ITPR2: variants seen among roughly 807,000 people sequenced by gnomAD.
ITPR2 encodes the protein inositol 1,4,5-trisphosphate receptor type 2.
In ITPR2, 207 loss-of-function variants were observed where a neutral mutation model predicts 317.1. The observed-to-expected ratio is 0.65, with a 90% CI of 0.58 to 0.73. The LOEUF is 0.73. Among genes scored for constraint, ITPR2 ranks in the 30% least tolerant of loss-of-function variants. The pLI is 0.00. For missense variants in ITPR2, 2,613 were observed against 3,284.0 expected (o/e 0.80, Z 4.99); for synonymous variants, 1,156 against 1,149.1 (o/e 1.01, Z -0.12).
At chr12:26,726,012 A>G (rs146310627) in intron 2 of ITPR2, 12 of 345,020 alleles carry the variant, frequency 3.5e-5, no homozygotes, top group African/African-American at 2.5e-4. Flanking sequence ...TAGCCAGTGT[A>G]TAAAGAAATC....
At chr12:26,499,771 A>G (rs1175471538) in intron 37 of ITPR2, among the ~76,000 whole-genome samples, 1 of 152,200 alleles carries the variant, frequency 6.6e-6, no homozygotes, top group Non-Finnish European at 1.5e-5. Context: ...AAAATAATAA[A>G]TGATAAACTG....
At chr12:26,529,612 T>A (rs1943899789) in intron 37 of ITPR2, among the ~76,000 whole-genome samples, 1 of 152,218 alleles carries the variant, frequency 6.6e-6, no homozygotes, top group African/African-American at 2.4e-5. Context: ...CTGCCTGGGT[T>A]CTAATGCCAG....
At chr12:26,826,420 C>T (rs1951010569) in intron 1 of ITPR2, among the ~76,000 whole-genome samples, 2 of 152,162 alleles carry the variant, frequency 1.3e-5, no homozygotes, top group South Asian at 4.1e-4. Flanking sequence ...CAGTCTCATT[C>T]TTCTAAGGAA....
At chr12:26,430,290 G>A (rs916216506) in intron 48 of ITPR2, among the ~76,000 whole-genome samples, 9 of 152,318 alleles carry the variant, frequency 5.9e-5, no homozygotes, top group Admixed American at 2.6e-4. Flanking sequence ...TTTTCTTTGA[G>A]TCTTGCTCTG....
At chr12:26,584,872 TA>T (rs977914865) in intron 32 of ITPR2, among the ~76,000 whole-genome samples, 1 of 152,226 alleles carries the variant, frequency 6.6e-6, no homozygotes, top group Non-Finnish European at 1.5e-5. Flanking sequence ...ACATAAACAG[TA>T]AAAATGTTCC....
At chr12:26,411,135 G>A in intron 52 of ITPR2, 185 bp downstream of exon 52, 2 of 550,612 alleles carry the variant, frequency 3.6e-6, no homozygotes, top group African/African-American at 3.8e-5. Context: ...ACAGGAGAGG[G>A]GTACAAAATG....
chr12:26,696,055 G>GTTTTACATGT lies in ITPR2; in HGVS notation c.952-406_952-405insACATGTAAAA, dbSNP rs1948341318. Among the ~76,000 whole-genome samples, 13 of 152,302 alleles carry GTTTTACATGT rather than the reference G, an allele frequency of 8.5e-5. 1 individual carries two copies. The South Asian group carries it at 2.5e-3, about 29-fold the overall frequency. ...TTTGAGATCATGTTTTACATGTTAT[G>GTTTTACATGT]TACACAAGGAAAAGAAAAACAAAAC... On this transcript the variant is annotated intron_variant, in intron 9 of 56. Transcript: ENST00000381340.
chr12:26,386,047 T>C (rs992601976), intron 55 of ITPR2, among the ~76,000 whole-genome samples: 2 of 152,116 alleles, frequency 1.3e-5, no homozygotes, highest in Non-Finnish European at 2.9e-5. Context: ...AATAAATGTA[T>C]ATTGATGAAA....
intron 45 of ITPR2, among the ~76,000 whole-genome samples, chr12:26,462,728 A>G (rs1371764334): frequency 1.3e-5 from 2 of 149,062 alleles, no homozygotes; most frequent in Non-Finnish European, 1.5e-5. Flanking sequence ...CTGGAGTGCA[A>G]TGGCGCCATC....
intron 32 of ITPR2, among the ~76,000 whole-genome samples, chr12:26,584,043 T>C (rs1178253458): frequency 6.6e-6 from 1 of 152,234 alleles, no homozygotes; most frequent in African/African-American, 2.4e-5. Flanking sequence ...ACAACGTCCC[T>C]ACTCTATTAG....
chr12:26,398,834 C>T, intron 54 of ITPR2, 42 bp downstream of exon 54: 5 of 1,521,162 alleles, frequency 3.3e-6, no homozygotes, highest in Non-Finnish European at 4.4e-6. Context: ...TTCCTGCAAA[C>T]AGTCTATTCA....
At chr12:26,688,150 C>T (rs917242246) in intron 10 of ITPR2, among the ~76,000 whole-genome samples, 1 of 152,098 alleles carries the variant, frequency 6.6e-6, no homozygotes, top group South Asian at 2.1e-4. Flanking sequence ...ATCCTCCCAC[C>T]TCGGCCTCCT....
intron 37 of ITPR2, among the ~76,000 whole-genome samples, chr12:26,500,642 C>A (rs1348666967): frequency 6.6e-6 from 1 of 152,146 alleles, no homozygotes; most frequent in Non-Finnish European, 1.5e-5. Context: ...CATAAAAAGA[C>A]ATCTTTTGTG....
rs59113745 is a variant in ITPR2 at position 26,490,173 on chromosome 12, T to C, written c.5371-2922A>G. Among the ~76,000 whole-genome samples the C allele has an allele frequency of 6.3e-3, 954 of 152,324 alleles. 11 individuals are homozygous for C. Among genetic ancestry groups the C allele is most frequent in the African/African-American group, 0.022 (910 of 41,560 alleles). The stretch of plus-strand genomic sequence containing the variant: ...ATAAAGAATAGGATATGATCCCCTA[T>C]ACTGAAGAAGTTGAAATTCAATTGG... On this transcript the variant is annotated intron_variant, in intron 39 of 56. Coordinates refer to ENST00000381340, the MANE Select transcript of ITPR2 (RefSeq NM_002223.4).
intron 37 of ITPR2, among the ~76,000 whole-genome samples, chr12:26,509,758 C>CT (rs1340032456): frequency 1.3e-5 from 2 of 152,010 alleles, no homozygotes; most frequent in Non-Finnish European, 2.9e-5. Context: ...GAGTCTTGAC[C>CT]TGTGTGGGAA....
intron 37 of ITPR2, among the ~76,000 whole-genome samples, chr12:26,513,364 T>C (rs1943406836): frequency 6.6e-6 from 1 of 152,166 alleles, no homozygotes; most frequent in African/African-American, 2.4e-5. Flanking sequence ...GAAAAAAGAA[T>C]ATTAATATTC....
intron 20 of ITPR2, 93 bp downstream of exon 20, chr12:26,655,613 CAA>C (rs56325248): frequency 0.084 from 51,720 of 618,262 alleles, no homozygotes; most frequent in Middle Eastern, 0.096. Flanking sequence ...GACTCTGTCT[CAA>C]AAAAAAAAAA....
intron 54 of ITPR2, among the ~76,000 whole-genome samples, chr12:26,391,834 G>A (rs900241814): frequency 1.3e-5 from 2 of 152,000 alleles, no homozygotes; most frequent in Non-Finnish European, 2.9e-5. Flanking sequence ...CAAAGTTGCT[G>A]AGATTACAGG....
chr12:26,389,975 C>T (rs765878418), intron 54 of ITPR2, among the ~76,000 whole-genome samples: 78 of 152,174 alleles, frequency 5.1e-4, no homozygotes, highest in African/African-American at 1.4e-3. Context: ...TCTTCACCAA[C>T]GGTCCCAAAA....
Sources: gnomAD v4.1 joint callset for allele counts (sites outside exome capture counted in the v4.1 genomes callset) on GRCh38, gnomAD v4.1.1 for gene constraint, MANE v1.5 for transcripts, NCBI Gene and HGNC (gene_info 2026-07-23, HGNC 2026-07-21) for gene names.